TLK1: variants seen among roughly 807,000 people sequenced by gnomAD.
TLK1 encodes serine/threonine-protein kinase tousled-like 1.
In TLK1, 24 loss-of-function variants were observed where a neutral mutation model predicts 105.3. That is an observed-to-expected ratio of 0.23 (90% CI 0.17 to 0.32). TLK1 has a LOEUF of 0.32. Ranked by LOEUF, TLK1 falls within the 10% of genes least tolerant of loss-of-function variation. The pLI is 1.00. For synonymous variants in TLK1, 321 were observed against 310.4 expected (o/e 1.03, Z -0.36); for missense variants, 558 against 910.5 (o/e 0.61, Z 4.98).
intron 1 of TLK1, among the ~76,000 whole-genome samples, chr2:171,129,713 C>G (rs1424164134): frequency 6.6e-6 from 1 of 152,018 alleles, no homozygotes; most frequent in Non-Finnish European, 1.5e-5. Flanking sequence ...TGGTAGTCCG[C>G]ACCTATAGTC....
At chr2:171,120,461 A>T (rs995369734) in intron 1 of TLK1, among the ~76,000 whole-genome samples, 1 of 152,114 alleles carries the variant, frequency 6.6e-6, no homozygotes, top group African/African-American at 2.4e-5. Flanking sequence ...AAAAAAACCC[A>T]ATTAAAAAAT....
intron 3 of TLK1, 60 bp downstream of exon 3, chr2:171,082,721 T>C: frequency 7.6e-7 from 1 of 1,314,712 alleles, no homozygotes; most frequent in Admixed American, 1.9e-5. Context: ...AAAATACTAA[T>C]TAAAACGGTG....
intron 10 of TLK1, 139 bp from the exon 11 acceptor site, chr2:171,046,501 T>C (rs1017583408): frequency 1.2e-5 from 11 of 914,202 alleles, no homozygotes; most frequent in African/African-American, 1.7e-5. Context: ...GTGAACCAAT[T>C]TGTACTTATC....
Position 171,021,587 on chromosome 2 carries a change from A to G in TLK1, c.1237-6639T>C, listed in dbSNP as rs1478047779. Among the ~76,000 whole-genome samples the G allele has an allele frequency of 2.0e-5, 3 of 151,328 alleles. No individual in the cohort carries two copies. The East Asian group carries it at 5.8e-4, about 29-fold the overall frequency. On this transcript the variant is annotated intron_variant, in intron 12 of 20. Transcript: ENST00000431350. ...CTGGCCTCTGCTTCCTTTTAAACCT[A>G]GTCTTCTACATGCTCATTATGCATA...
intron 1 of TLK1, among the ~76,000 whole-genome samples, chr2:171,177,676 C>A (rs1358431875): frequency 1.3e-5 from 2 of 152,214 alleles, no homozygotes; most frequent in Non-Finnish European, 2.9e-5. Flanking sequence ...AATGTTTAGA[C>A]TCAAGGTCCT....
chr2:171,204,055 G>GA (rs964924761), intron 1 of TLK1, among the ~76,000 whole-genome samples: 14 of 143,970 alleles, frequency 9.7e-5, no homozygotes, highest in Admixed American at 1.4e-4. Context: ...CTCTGTCTCA[G>GA]AAAAAAAAAA....
intron 14 of TLK1, among the ~76,000 whole-genome samples, chr2:171,008,251 C>T (rs988418045): frequency 6.6e-6 from 1 of 151,928 alleles, no homozygotes; most frequent in Non-Finnish European, 1.5e-5. Context: ...CTCTCTGAGC[C>T]CCAAAAGTTA....
rs1575490983 is a variant in TLK1 at position 170,992,387 on chromosome 2, G to A, written c.*1393C>T. The A allele has an allele frequency of 6.6e-6, 1 of 152,452 alleles. No homozygotes were observed. The highest frequency in any genetic ancestry group is 2.4e-5 in the African/African-American group (1 of 41,432). 9.4% of individuals were successfully genotyped at this position (152,452 alleles called of 1,614,324 possible). A position where few individuals can be genotyped will look rare whatever the true frequency, so the allele number is the denominator to read the frequency against. Reference sequence around the variant, plus strand: ...ATGTAAGTATCAGCATTATGAATGTGACAATAAAGAAAAAGTCCTTACAGG... The same window carrying A: ...ATGTAAGTATCAGCATTATGAATGTAACAATAAAGAAAAAGTCCTTACAGG... On this transcript the variant is annotated 3_prime_UTR_variant, in exon 21 of 21. Coordinates refer to ENST00000431350, the MANE Select transcript of TLK1 (RefSeq NM_012290.5).
intron 3 of TLK1, among the ~76,000 whole-genome samples, chr2:171,073,279 T>TG (rs1204381739): frequency 2.6e-5 from 4 of 152,228 alleles, no homozygotes; most frequent in African/African-American, 9.6e-5. Context: ...TGGGCACTCT[T>TG]GTTGTGTTCC....
At chr2:171,080,908 C>T (rs1688722441) in intron 3 of TLK1, among the ~76,000 whole-genome samples, 1 of 151,860 alleles carries the variant, frequency 6.6e-6, no homozygotes, top group African/African-American at 2.4e-5. Flanking sequence ...GGGGCTTTGC[C>T]ATGTTGCCCA....
chr2:170,995,129 C>A (rs542657148), intron 20 of TLK1, among the ~76,000 whole-genome samples: 1 of 151,728 alleles, frequency 6.6e-6, no homozygotes, highest in Non-Finnish European at 1.5e-5. Flanking sequence ...AACAAAGTTT[C>A]AGAGATCACT....
chr2:171,083,008 A>G (rs1688817614), intron 2 of TLK1, among the ~76,000 whole-genome samples, 156 bp from the exon 3 acceptor site: 1 of 152,202 alleles, frequency 6.6e-6, no homozygotes, highest in Admixed American at 6.5e-5. Flanking sequence ...GGTAAAAATA[A>G]GAAATACTAA....
intron 3 of TLK1, among the ~76,000 whole-genome samples, chr2:171,077,517 C>T (rs1171518691): frequency 6.6e-6 from 1 of 152,304 alleles, no homozygotes; most frequent in Non-Finnish European, 1.5e-5. Context: ...CTAATTTCTC[C>T]TCAATTAACT....
At chr2:171,122,471 C>A (rs375601500) in intron 1 of TLK1, among the ~76,000 whole-genome samples, 1 of 152,146 alleles carries the variant, frequency 6.6e-6, no homozygotes, top group African/African-American at 2.4e-5. Flanking sequence ...ACACCAGAAT[C>A]TGCATCTTAA....
intron 6 of TLK1, 22 bp from the exon 7 acceptor site, chr2:171,055,194 T>C: frequency 7.8e-7 from 1 of 1,282,914 alleles, no homozygotes; most frequent in Non-Finnish European, 1.0e-6. Context: ...ATTAAAATTT[T>C]TATATTAGCA....
At chr2:171,057,551 C>T (rs1365241188) in intron 5 of TLK1, among the ~76,000 whole-genome samples, 1 of 151,880 alleles carries the variant, frequency 6.6e-6, no homozygotes, top group Non-Finnish European at 1.5e-5. Flanking sequence ...TTTACGAACC[C>T]AAGAAAGAAA....
chr2:171,007,187 G>T, intron 14 of TLK1, 124 bp from the exon 15 acceptor site: 2 of 667,286 alleles, frequency 3.0e-6, no homozygotes, highest in South Asian at 2.1e-5. Flanking sequence ...AATTATTAAT[G>T]ATCTTCTCTG....
intron 20 of TLK1, 89 bp downstream of exon 20, chr2:170,996,563 CT>C: frequency 9.5e-7 from 1 of 1,056,004 alleles, no homozygotes; most frequent in South Asian, 1.5e-5. Flanking sequence ...AGTCTTGTGA[CT>C]TTACTTACTG....
chr2:171,066,726 G>T, intron 3 of TLK1: 2 of 1,009,182 alleles, frequency 2.0e-6, no homozygotes, highest in Non-Finnish European at 2.9e-6. Context: ...TATCACTTAC[G>T]TAGTCTATTT....
Sources: gnomAD v4.1 joint callset for allele counts (sites outside exome capture counted in the v4.1 genomes callset) on GRCh38, gnomAD v4.1.1 for gene constraint, MANE v1.5 for transcripts, NCBI Gene and HGNC (gene_info 2026-07-23, HGNC 2026-07-21) for gene names.